Variants in EYA2 observed in about 807,000 individuals in gnomAD.
EYA2 encodes the protein EYA transcriptional coactivator and phosphatase 2.
A neutral mutation model predicts 69.2 loss-of-function variants in EYA2; 31 were observed. That is an observed-to-expected ratio of 0.45 (90% CI 0.34 to 0.60). The LOEUF (loss-of-function observed/expected upper bound fraction) is 0.60, where lower values mean the gene tolerates loss of function less well. Ranked by LOEUF, EYA2 falls within the 20% of genes least tolerant of loss-of-function variation. The probability of loss-of-function intolerance (pLI) is 0.02; values close to 1 mark genes in which losing one functional copy is unlikely to be tolerated. For missense variants in EYA2, 622 were observed against 701.2 expected (o/e 0.89, Z 1.28); for synonymous variants, 257 against 279.4 (o/e 0.92, Z 0.80).
chr20:47,180,887 C>A lies in EYA2; in HGVS notation c.1386C>A (p.Gly462=). 1 of 1,614,184 alleles carries A rather than the reference C, an allele frequency of 6.2e-7. No homozygotes were observed. The highest frequency in any genetic ancestry group is 8.5e-7 in the Non-Finnish European group (1 of 1,180,040). ...CCCTGGCCAAAGTCCTGCTATATGG[C>A]CTGGGGTCTGTGTTTCCTATTGAGA... ...IPALAKVLLY[G]LGSVFPIENI... The change falls in exon 14 of 16, where the codon GGC becomes GGA. Residue 462 remains glycine, a synonymous_variant. Coordinates refer to ENST00000327619, the MANE Select transcript of EYA2 (RefSeq NM_005244.5).
At chr20:47,165,681 G>T (rs896415550) in intron 10 of EYA2, among the ~76,000 whole-genome samples, 41 of 152,158 alleles carry the variant, frequency 2.7e-4, no homozygotes, top group African/African-American at 8.9e-4. Context: ...GGGCCCATGT[G>T]TGTCAAGGAC....
chr20:47,042,232 G>A (rs1246521951), intron 5 of EYA2, among the ~76,000 whole-genome samples: 1 of 152,170 alleles, frequency 6.6e-6, no homozygotes, highest in Non-Finnish European at 1.5e-5. Flanking sequence ...GGCATGGCAA[G>A]GGTCAGTGAT....
chr20:47,081,232 C>A (rs948581936), intron 7 of EYA2, among the ~76,000 whole-genome samples: 2 of 151,846 alleles, frequency 1.3e-5, no homozygotes. Context: ...GTGGGAGTTA[C>A]AATTCAAGAT....
intron 1 of EYA2, among the ~76,000 whole-genome samples, chr20:46,942,886 C>T (rs1986214028): frequency 6.6e-6 from 1 of 152,262 alleles, no homozygotes; most frequent in African/African-American, 2.4e-5. Context: ...CTGTCTCAGC[C>T]TCCTGAGTTG....
chr20:47,179,712 G>GTA, intron 12 of EYA2, 86 bp from the exon 13 acceptor site: 1 of 910,010 alleles, frequency 1.1e-6, no homozygotes, highest in Non-Finnish European at 1.7e-6. Context: ...AACCCTCAGG[G>GTA]TACAGTAGCT....
chr20:47,084,808 A>G (rs554063448), intron 7 of EYA2, among the ~76,000 whole-genome samples: 5 of 150,120 alleles, frequency 3.3e-5, no homozygotes, highest in African/African-American at 1.2e-4. Flanking sequence ...TACAACCACT[A>G]TGGAAAATAA....
chr20:46,955,600 A>G (rs948330004), intron 1 of EYA2, among the ~76,000 whole-genome samples: 8 of 152,250 alleles, frequency 5.3e-5, no homozygotes, highest in African/African-American at 1.9e-4. Context: ...TGTTGGGTAT[A>G]TACCCTTGCA....
intron 1 of EYA2, among the ~76,000 whole-genome samples, chr20:46,923,931 C>A (rs567590599): frequency 6.6e-6 from 1 of 152,188 alleles, no homozygotes; most frequent in East Asian, 1.9e-4. Context: ...TTTAATTAAG[C>A]CCAAAAGAGA....
chr20:47,152,889 A>G (rs2033851519), intron 10 of EYA2, among the ~76,000 whole-genome samples: 1 of 151,276 alleles, frequency 6.6e-6, no homozygotes, highest in African/African-American at 2.4e-5. Flanking sequence ...CCAAAATCAC[A>G]CCACTTCACT....
chr20:47,119,914 A>G (rs1022024958), intron 9 of EYA2, among the ~76,000 whole-genome samples: 5 of 152,120 alleles, frequency 3.3e-5, no homozygotes, highest in Admixed American at 2.6e-4. Context: ...AGAAAGAAAA[A>G]TAAGTAAAAT....
intron 1 of EYA2, among the ~76,000 whole-genome samples, chr20:46,988,440 C>T (rs997717240): frequency 1.3e-5 from 2 of 152,088 alleles, no homozygotes; most frequent in Non-Finnish European, 2.9e-5. Context: ...TGTGAATTTG[C>T]AACCTTTTTA....
chr20:46,981,736 A>G (rs1298509156), intron 1 of EYA2, among the ~76,000 whole-genome samples: 1 of 152,060 alleles, frequency 6.6e-6, no homozygotes, highest in African/African-American at 2.4e-5. Context: ...TTTAAAATCT[A>G]TTTGGGGTAT....
Position 46,989,912 on chromosome 20 carries a change from ATATT to A in EYA2, c.-10-85_-10-82del, listed in dbSNP as rs917521060. The stretch of plus-strand genomic sequence containing the variant: ...GTCTGGGTTTAGGTAATCAGTTGTA[ATATT>A]TATACTCTTAGGGAAAGAAATAGGA... On this transcript the variant is annotated intron_variant, in intron 1 of 15. Transcript: ENST00000327619. 7.7e-5 allele frequency: 51 copies of A among 666,458 alleles called. No individual in the cohort carries two copies. The African/African-American group carries it at 8.1e-4, about 11-fold the overall frequency. The allele number at this position is 666,458 out of a possible 1,614,324, so 41.3% of individuals were successfully genotyped here.
intron 1 of EYA2, among the ~76,000 whole-genome samples, chr20:46,902,657 C>T (rs1224159455): frequency 6.6e-6 from 1 of 152,178 alleles, no homozygotes. Flanking sequence ...GGATATTTAT[C>T]GATGGTTAGG....
chr20:46,961,162 C>G (rs1979451287), intron 1 of EYA2, among the ~76,000 whole-genome samples: 1 of 152,104 alleles, frequency 6.6e-6, no homozygotes, highest in Non-Finnish European at 1.5e-5. Context: ...CAGTGAAACC[C>G]CGTCTCTACT....
intron 8 of EYA2, among the ~76,000 whole-genome samples, chr20:47,093,686 C>T (rs1473784059): frequency 6.6e-6 from 1 of 152,256 alleles, no homozygotes; most frequent in Non-Finnish European, 1.5e-5. Flanking sequence ...TGCACAAGAG[C>T]CACATTGAGC....
intron 1 of EYA2, among the ~76,000 whole-genome samples, chr20:46,905,483 C>T (rs1442598010): frequency 6.6e-6 from 1 of 152,218 alleles, no homozygotes; most frequent in Non-Finnish European, 1.5e-5. Context: ...ACCCCACATT[C>T]CATTGAGAAC....
At chr20:47,130,880 A>G (rs975476995) in intron 9 of EYA2, among the ~76,000 whole-genome samples, 3 of 152,174 alleles carry the variant, frequency 2.0e-5, no homozygotes, top group Admixed American at 6.5e-5. Flanking sequence ...ACCTGAGGTC[A>G]GGAGTTCAAG....
intron 2 of EYA2, among the ~76,000 whole-genome samples, chr20:46,993,252 G>A (rs1318764592): frequency 1.3e-5 from 2 of 152,226 alleles, no homozygotes; most frequent in Non-Finnish European, 2.9e-5. Flanking sequence ...TGCTTAAAAA[G>A]TATAGAACAA....
Sources: gnomAD v4.1 joint callset for allele counts (sites outside exome capture counted in the v4.1 genomes callset) on GRCh38, gnomAD v4.1.1 for gene constraint, MANE v1.5 for transcripts, NCBI Gene and HGNC (gene_info 2026-07-23, HGNC 2026-07-21) for gene names.